RP1: variants seen among roughly 807,000 people sequenced by gnomAD.
RP1 encodes RP1 axonemal microtubule associated.
RP1 carries 16 observed loss-of-function variants against 14.8 expected under a neutral mutation model. The ratio of observed to expected loss-of-function variants is 1.08; its 90% CI spans 0.73 to 1.65. The LOEUF (loss-of-function observed/expected upper bound fraction) is 1.65. Among genes scored for constraint, RP1 ranks in the 40% most tolerant of loss-of-function variants. RP1 has a pLI of 0.00. For missense variants in RP1, 2,631 were observed against 2,535.0 expected (o/e 1.04, Z -0.81); for synonymous variants, 876 against 883.6 (o/e 0.99, Z 0.15).
intron 1 of RP1, among the ~76,000 whole-genome samples, chr8:54,620,636 C>T (rs1805833272): frequency 6.6e-6 from 1 of 152,134 alleles, no homozygotes; most frequent in African/African-American, 2.4e-5. Context: ...CCAAAAGATA[C>T]ATCTATAAGG....
intron 1 of RP1, among the ~76,000 whole-genome samples, chr8:54,602,881 GTTGT>G (rs981705113): frequency 6.6e-6 from 1 of 152,236 alleles, no homozygotes; most frequent in African/African-American, 2.4e-5. Flanking sequence ...TGTTGATGGG[GTTGT>G]TTGTTTTTTT....
At chr8:54,864,149 C>T (rs903239232) in intron 27 of RP1, among the ~76,000 whole-genome samples, 4 of 151,992 alleles carry the variant, frequency 2.6e-5, no homozygotes, top group East Asian at 3.9e-4. Context: ...ACTGTAGATT[C>T]GCAGCAAGAG....
chr8:54,840,020 A>G (rs902745503), intron 25 of RP1, among the ~76,000 whole-genome samples: 6 of 152,094 alleles, frequency 3.9e-5, no homozygotes, highest in African/African-American at 1.4e-4. Flanking sequence ...GAAAATGATG[A>G]AGTGGGAAAA....
rs150676751 is a variant in RP1, at chr8:54,808,861, G to A, written c.3615+25151G>A. 4.3e-4 allele frequency among the ~76,000 whole-genome samples: 66 copies of A among 152,144 alleles called. 1 individual carries two copies. The East Asian group carries it at 0.012, about 27-fold the overall frequency. On this transcript the variant is annotated intron_variant, in intron 24 of 28. Coordinates refer to the RP1 transcript ENST00000637698. ...GAGTAGCCCTTGATGGCCACACCCC[G>A]TTCTACCTAGATCAGCTTCACAGAG...
chr8:54,776,939 G>A (rs755167673), intron 23 of RP1, among the ~76,000 whole-genome samples: 3 of 152,148 alleles, frequency 2.0e-5, no homozygotes, highest in East Asian at 1.9e-4. Context: ...TCTCACATGC[G>A]GGTGTTGAGT....
intron 12 of RP1, among the ~76,000 whole-genome samples, chr8:54,689,871 A>G (rs1432262772): frequency 1.3e-5 from 2 of 152,028 alleles, no homozygotes; most frequent in Non-Finnish European, 2.9e-5. Context: ...TCTCTAATAC[A>G]TACTTTTTAA....
intron 25 of RP1, among the ~76,000 whole-genome samples, chr8:54,842,825 C>T (rs2129405081): frequency 6.6e-6 from 1 of 152,306 alleles, no homozygotes; most frequent in African/African-American, 2.4e-5. Context: ...CTATCTCCCT[C>T]GTGGCTCTGG....
At chr8:54,603,332 AAGATCAGATGGTTGT>A (rs1805340670) in intron 1 of RP1, among the ~76,000 whole-genome samples, 5 of 151,956 alleles carry the variant, frequency 3.3e-5, no homozygotes, top group Admixed American at 2.0e-4. Context: ...AGGTTTGTCA[AAGATCAGATGGTTGT>A]AGATATGCGG....
chr8:54,680,384 T>TGAA (rs951514227), intron 12 of RP1, among the ~76,000 whole-genome samples: 1 of 152,312 alleles, frequency 6.6e-6, no homozygotes, highest in African/African-American at 2.4e-5. Context: ...CTGCATGTCA[T>TGAA]GAAGCTGTAA....
At chr8:54,787,141 C>T (rs944366110) in intron 24 of RP1, among the ~76,000 whole-genome samples, 2 of 152,098 alleles carry the variant, frequency 1.3e-5, no homozygotes, top group Non-Finnish European at 2.9e-5. Context: ...GATATATACC[C>T]TCTATAGACT....
At chr8:54,847,197 A>G (rs1380451394) in intron 25 of RP1, among the ~76,000 whole-genome samples, 1 of 151,996 alleles carries the variant, frequency 6.6e-6, no homozygotes, top group Non-Finnish European at 1.5e-5. Flanking sequence ...GCACTCTTGT[A>G]AAAAAAAGAG....
intron 13 of RP1, among the ~76,000 whole-genome samples, chr8:54,699,991 ACT>A (rs1471514891): frequency 6.6e-6 from 1 of 152,184 alleles, no homozygotes; most frequent in African/African-American, 2.4e-5. Context: ...ACTTTAATGC[ACT>A]GTTTTAAGTG....
chr8:54,665,757 G>T (rs1313838396), intron 7 of RP1, among the ~76,000 whole-genome samples: 1 of 152,178 alleles, frequency 6.6e-6, no homozygotes, highest in African/African-American at 2.4e-5. Context: ...CCAGAGGAAA[G>T]AGCTGTATGA....
chr8:54,699,320 A>T (rs1807956444), intron 12 of RP1: 1 of 389,360 alleles, frequency 2.6e-6, no homozygotes, highest in Non-Finnish European at 4.5e-6. Context: ...CACAAACTGA[A>T]CATACTGTGG....
intron 23 of RP1, among the ~76,000 whole-genome samples, chr8:54,780,490 A>T (rs780353893): frequency 4.6e-5 from 7 of 152,222 alleles, no homozygotes; most frequent in Non-Finnish European, 7.3e-5. Flanking sequence ...ATATTAATTT[A>T]ATTCCAATTG....
chr8:54,663,834 A>G (rs1481608398), exon 7 of RP1: 8 of 1,526,844 alleles, frequency 5.2e-6, no homozygotes, highest in African/African-American at 1.4e-5. Context: ...AGCTCCTTCA[A>G]TTTTTTAAGA....
chr8:54,807,621 C>T (rs1563382135), intron 24 of RP1, among the ~76,000 whole-genome samples: 1 of 149,780 alleles, frequency 6.7e-6, no homozygotes, highest in African/African-American at 2.5e-5. Context: ...TCTCTATCTA[C>T]CTGTCTGTCT....
intron 7 of RP1, among the ~76,000 whole-genome samples, chr8:54,673,080 G>A (rs902935919): frequency 3.9e-5 from 6 of 152,230 alleles, no homozygotes; most frequent in Admixed American, 1.3e-4. Context: ...GTGCACTTAC[G>A]TAGAGACAAA....
At chr8:54,566,181 A>G (rs985292896) in intron 1 of RP1, among the ~76,000 whole-genome samples, 1 of 152,188 alleles carries the variant, frequency 6.6e-6, no homozygotes, top group South Asian at 2.1e-4. Context: ...GGACTTCAAC[A>G]TATGAATCTG....
Sources: gnomAD v4.1 joint callset for allele counts (sites outside exome capture counted in the v4.1 genomes callset) on GRCh38, gnomAD v4.1.1 for gene constraint, MANE v1.5 for transcripts, NCBI Gene and HGNC (gene_info 2026-07-23, HGNC 2026-07-21) for gene names.